The following YWHAE variants were observed in gnomAD, a reference collection of about 807,000 sequenced individuals.
YWHAE encodes the protein 14-3-3 protein epsilon.
A neutral mutation model predicts 30.1 loss-of-function variants in YWHAE; 4 were observed. That is an observed-to-expected ratio of 0.13 (90% CI 0.07 to 0.30). The LOEUF (loss-of-function observed/expected upper bound fraction) is 0.30, where lower values mean the gene tolerates loss of function less well. Among genes scored for constraint, YWHAE ranks in the 10% least tolerant of loss-of-function variants. YWHAE has a pLI of 1.00. For synonymous variants in YWHAE, 118 were observed against 111.8 expected (o/e 1.06, Z -0.35); for missense variants, 121 against 315.9 (o/e 0.38, Z 4.68).
intron 1 of YWHAE, among the ~76,000 whole-genome samples, chr17:1,373,405 C>T (rs1443260282): frequency 6.6e-6 from 1 of 151,236 alleles, no homozygotes; most frequent in Admixed American, 6.6e-5. Context: ...TGGACTCACG[C>T]CTGTAATCCC....
intron 1 of YWHAE, among the ~76,000 whole-genome samples, chr17:1,388,104 TTTTTTTTTG>T (rs2073330283): frequency 8.5e-5 from 4 of 46,864 alleles, no homozygotes; most frequent in African/African-American, 1.3e-4. Flanking sequence ...AATTTTTGTT[TTTTTTTTTG>T]GTTGGTTTTT....
chr17:1,362,308 C>T (rs1383178581), intron 2 of YWHAE, among the ~76,000 whole-genome samples: 10 of 152,098 alleles, frequency 6.6e-5, no homozygotes, highest in Non-Finnish European at 1.2e-4. Flanking sequence ...TTACCAATGA[C>T]TAAAACTGAA....
At chr17:1,352,630 A>G (rs2072654278) in intron 5 of YWHAE, among the ~76,000 whole-genome samples, 1 of 151,780 alleles carries the variant, frequency 6.6e-6, no homozygotes, top group Non-Finnish European at 1.5e-5. Flanking sequence ...GGTTTAAGCA[A>G]TTCTCCGGCC....
chr17:1,348,002 T>C (rs575937370), intron 5 of YWHAE: 1 of 1,010,766 alleles, frequency 9.9e-7, no homozygotes, highest in Admixed American at 5.9e-5. Flanking sequence ...GGTTTTCCTT[T>C]AGGAATCTAT....
At chr17:1,369,310 A>G (rs1172509535) in intron 1 of YWHAE, among the ~76,000 whole-genome samples, 1 of 152,146 alleles carries the variant, frequency 6.6e-6, no homozygotes, top group Non-Finnish European at 1.5e-5. Context: ...CCTGGCCAAC[A>G]TAGTAAAACC....
At chr17:1,380,531 T>C (rs901613996) in intron 1 of YWHAE, among the ~76,000 whole-genome samples, 3 of 152,064 alleles carry the variant, frequency 2.0e-5, no homozygotes, top group Admixed American at 1.3e-4. Flanking sequence ...TAAAATGAGA[T>C]TGTAGAGTAA....
At chr17:1,362,083 G>A (rs2072873367) in intron 2 of YWHAE, 75 bp from the exon 3 acceptor site, 1 of 875,966 alleles carries the variant, frequency 1.1e-6, no homozygotes, top group African/African-American at 1.7e-5. Context: ...TCTATCTCTG[G>A]TTTTGAGGTA....
At chr17:1,348,890 G>A (rs138793132) in intron 5 of YWHAE, among the ~76,000 whole-genome samples, 2 of 151,550 alleles carry the variant, frequency 1.3e-5, no homozygotes, top group African/African-American at 4.8e-5. Flanking sequence ...GCCGGGCATG[G>A]TGGCGGGCAC....
At chr17:1,351,858 G>A (rs779260516) in intron 5 of YWHAE, among the ~76,000 whole-genome samples, 7 of 152,152 alleles carry the variant, frequency 4.6e-5, no homozygotes, top group Middle Eastern at 3.4e-3. Flanking sequence ...CGTGATCTCA[G>A]CTCACTGCAA....
At chr17:1,388,105 T>C (rs908543788) in intron 1 of YWHAE, among the ~76,000 whole-genome samples, 3 of 46,426 alleles carry the variant, frequency 6.5e-5, no homozygotes, top group African/African-American at 3.8e-4. Flanking sequence ...ATTTTTGTTT[T>C]TTTTTTTGGT....
chr17:1,393,922 G>C (rs2073425615), intron 1 of YWHAE, among the ~76,000 whole-genome samples: 1 of 152,102 alleles, frequency 6.6e-6, no homozygotes, highest in African/African-American at 2.4e-5. Flanking sequence ...GGTTTCTTTA[G>C]GAAAGTGAAA....
chr17:1,374,831 T>C (rs2073099623), intron 1 of YWHAE, among the ~76,000 whole-genome samples: 1 of 152,164 alleles, frequency 6.6e-6, no homozygotes, highest in Non-Finnish European at 1.5e-5. Context: ...CACTGACTCC[T>C]CTTAATTCCC....
Position 1,362,010 on chromosome 17 carries a change from T to TA in YWHAE, c.265-3dup, listed in dbSNP as rs543499657. The stretch of plus-strand genomic sequence containing the variant: ...GATTAACTTTAGCTCAGTCTCAACC[T>TA]AAAAAAAAAAAAATTTTTTTTAAAT... On this transcript the variant is annotated splice_polypyrimidine_tract_variant and splice_region_variant and intron_variant, in intron 2 of 5. Coordinates refer to ENST00000264335, the MANE Select transcript of YWHAE (RefSeq NM_006761.5). 0.063 allele frequency: 70,957 copies of TA among 1,122,522 alleles called. 2,574 individuals are homozygous for TA. Among genetic ancestry groups the TA allele is most frequent in the African/African-American group, 0.34 (21,572 of 63,794 alleles). The allele number at this position is 1,122,522 out of a possible 1,614,324, so 69.5% of individuals were successfully genotyped here. A position where few individuals can be genotyped will look rare whatever the true frequency, so the allele number is the denominator to read the frequency against.
At chr17:1,359,817 TG>T (rs2072826619) in intron 4 of YWHAE, among the ~76,000 whole-genome samples, 11 of 43,122 alleles carry the variant, frequency 2.6e-4, no homozygotes, top group Non-Finnish European at 5.7e-4. Flanking sequence ...AATTGTTGTG[TG>T]TGTGTGTGTG....
chr17:1,388,960 C>G (rs1019210063), intron 1 of YWHAE, among the ~76,000 whole-genome samples: 1 of 152,138 alleles, frequency 6.6e-6, no homozygotes, highest in African/African-American at 2.4e-5. Flanking sequence ...ATTAATCCCA[C>G]TAAATCTTTC....
At chr17:1,356,641 A>G (rs747951513) in intron 4 of YWHAE, among the ~76,000 whole-genome samples, 2 of 152,158 alleles carry the variant, frequency 1.3e-5, no homozygotes, top group Non-Finnish European at 2.9e-5. Context: ...CCCTATCTGG[A>G]CAAACTCAAC....
chr17:1,359,812 T>TTGTGTGTGTGTGTGTGTGTGTGTG (rs59650315), intron 4 of YWHAE, among the ~76,000 whole-genome samples: 1 of 130,622 alleles, frequency 7.7e-6, no homozygotes, highest in Non-Finnish European at 1.6e-5. Context: ...CACTAAATTG[T>TTGTGTGTGTGTGTGTGTGTGTGTG]TGTGTGTGTG....
intron 4 of YWHAE, among the ~76,000 whole-genome samples, chr17:1,356,215 C>CACACACACACA (rs1320076580): frequency 4.5e-4 from 61 of 135,632 alleles, no homozygotes; most frequent in African/African-American, 1.5e-3. Flanking sequence ...CACACACACA[C>CACACACACACA]AAAATTAGCC....
At chr17:1,350,155 T>C (rs2150837641) in intron 5 of YWHAE, among the ~76,000 whole-genome samples, 1 of 152,058 alleles carries the variant, frequency 6.6e-6, no homozygotes, top group South Asian at 2.1e-4. Context: ...TTTCTCCATG[T>C]TGGTCAGGCT....
Sources: allele counts gnomAD v4.1 joint callset (sites outside exome capture counted in the v4.1 genomes callset), GRCh38; gene constraint gnomAD v4.1.1; transcripts MANE v1.5; gene names NCBI Gene and HGNC (gene_info 2026-07-23, HGNC 2026-07-21).